The following TBCD variants were observed in gnomAD, a reference collection of about 807,000 sequenced individuals.
The protein encoded by TBCD is tubulin-specific chaperone D.
TBCD carries 105 observed loss-of-function variants against 169.3 expected under a neutral mutation model. The observed-to-expected ratio is 0.62, with a 90% CI of 0.53 to 0.73. The LOEUF is 0.73. TBCD is among the 30% of genes least tolerant of loss of function. The pLI, the probability that TBCD is intolerant of heterozygous loss-of-function variation, is 0.00. For synonymous variants in TBCD, 700 were observed against 643.9 expected (o/e 1.09, Z -1.32); for missense variants, 1,444 against 1,600.1 (o/e 0.90, Z 1.66).
intron 4 of TBCD, 77 bp from the exon 5 acceptor site, chr17:82,768,343 G>A: frequency 6.4e-7 from 1 of 1,567,354 alleles, no homozygotes; most frequent in South Asian, 1.1e-5. Context: ...ATGGAGGGCA[G>A]TGACTTTGAG....
rs375519976 is a variant in TBCD, at chr17:82,917,522, G to A, written c.2039-3034G>A. Among the ~76,000 whole-genome samples, 97 of 152,248 alleles carry A rather than the reference G, an allele frequency of 6.4e-4. 1 individual carries two copies. In the Middle Eastern group the frequency reaches 0.01, roughly 16 times the overall value. ...AAGGACGGTATATCATACATGAAAA[G>A]CATCTCCACCAAGCTGCAGGAACAA... On this transcript the variant is annotated intron_variant, in intron 23 of 38. Transcript: ENST00000355528.
chr17:82,792,359 A>G (rs569665232), intron 7 of TBCD, among the ~76,000 whole-genome samples: 31 of 141,438 alleles, frequency 2.2e-4, no homozygotes, highest in African/African-American at 3.2e-4. Context: ...ACATGTGTGC[A>G]CACACACACA....
chr17:82,930,381 A>AGCCG lies in TBCD; in HGVS notation c.2992-140_2992-137dup. 7.7e-7 allele frequency: 1 copy of AGCCG among 1,300,494 alleles called. No individual in the cohort carries two copies. The allele number at this position is 1,300,494 out of a possible 1,614,324, so 80.6% of individuals were successfully genotyped here. A position where few individuals can be genotyped will look rare whatever the true frequency, so the allele number is the denominator to read the frequency against. On this transcript the variant is annotated intron_variant, in intron 32 of 38. Coordinates refer to ENST00000355528, the MANE Select transcript of TBCD (RefSeq NM_005993.5). The surrounding 1 kb of genome is among the most constrained non-coding windows in gnomAD (Gnocchi z 5.2). ...GTGGCTCCGTGCTGGCGTCCGCACCAGCCGCTTGGGGCCAGACCTTCGCGT... is the reference window on the plus strand; with the variant it reads ...GTGGCTCCGTGCTGGCGTCCGCACCAGCCGGCCGCTTGGGGCCAGACCTTCGCGT...
intron 11 of TBCD, among the ~76,000 whole-genome samples, chr17:82,808,442 T>G (rs1188655812): frequency 6.0e-3 from 107 of 17,950 alleles, no homozygotes; most frequent in Admixed American, 7.1e-3. Flanking sequence ...GGTGTTGAGG[T>G]GGGGGGAGGC....
chr17:82,836,454 C>G (rs114542425), intron 13 of TBCD, among the ~76,000 whole-genome samples: 6 of 152,194 alleles, frequency 3.9e-5, no homozygotes, highest in Non-Finnish European at 8.8e-5. Flanking sequence ...CTCGCGAGAC[C>G]GAAACGCCGC....
At position 82,832,678 on chromosome 17, in the gene TBCD, G is replaced by A; in HGVS notation, c.1318+17744G>A. On this transcript the variant is annotated intron_variant, in intron 13 of 38. Transcript: ENST00000355528. This position sits in a 1 kb window ranked among gnomAD's most constrained non-coding sequence, Gnocchi z 4.9. Reference sequence around the variant, plus strand: ...TCTTGGTGTCAGGACAGCGAGTGAGGGGTCGGCGAGAAGCCGGCCTCGGCT... The same window carrying A: ...TCTTGGTGTCAGGACAGCGAGTGAGAGGTCGGCGAGAAGCCGGCCTCGGCT... 1.7e-6 allele frequency: 1 copy of A among 586,088 alleles called. No homozygotes were observed. The highest frequency in any genetic ancestry group is 3.0e-6 in the Non-Finnish European group (1 of 330,572). The allele number at this position is 586,088 out of a possible 1,614,324, so 36.3% of individuals were successfully genotyped here.
At chr17:82,763,347 C>T (rs571988078) in intron 2 of TBCD, among the ~76,000 whole-genome samples, 2 of 152,358 alleles carry the variant, frequency 1.3e-5, no homozygotes, top group Non-Finnish European at 2.9e-5. Context: ...AACAGAGCCA[C>T]TCCAGCTCTT....
intron 7 of TBCD, among the ~76,000 whole-genome samples, chr17:82,785,642 G>C (rs2049257442): frequency 1.5e-5 from 1 of 68,384 alleles, no homozygotes; most frequent in Non-Finnish European, 3.0e-5. Context: ...GCGGGAGGGG[G>C]GTCCATGCTG....
Position 82,832,428 on chromosome 17 carries a change from T to G in TBCD, c.1318+17494T>G. ...GCCTGGGGATGTAATGTGGCTTTTT[T>G]GGCTTCCGCTCTTTGAGGAGACTCA... is the stretch of plus-strand genomic sequence containing the variant. On this transcript the variant is annotated intron_variant, in intron 13 of 38. Transcript: ENST00000355528. This position sits in a 1 kb window ranked among gnomAD's most constrained non-coding sequence, Gnocchi z 4.9. 6.2e-7 allele frequency: 1 copy of G among 1,613,418 alleles called. No homozygotes were observed. Among genetic ancestry groups the G allele is most frequent in the Non-Finnish European group, 8.5e-7 (1 of 1,180,032 alleles).
chr17:82,887,131 C>CTCTGTGTGTGTGTG (rs1555632222), intron 15 of TBCD, among the ~76,000 whole-genome samples: 2 of 123,448 alleles, frequency 1.6e-5, no homozygotes, highest in East Asian at 2.3e-4. Flanking sequence ...TACCTGTACT[C>CTCTGTGTGTGTGTG]TGTGTGTGTG....
At chr17:82,807,777 C>G (rs1435883868) in intron 11 of TBCD, 109 bp downstream of exon 11, 2 of 770,362 alleles carry the variant, frequency 2.6e-6, no homozygotes, top group East Asian at 3.3e-5. Flanking sequence ...CGGCCCCCTC[C>G]TCGGCCCCCT....
At chr17:82,862,879 C>T (rs1233958979) in intron 13 of TBCD, among the ~76,000 whole-genome samples, 1 of 152,206 alleles carries the variant, frequency 6.6e-6, no homozygotes, top group African/African-American at 2.4e-5. Flanking sequence ...TCTGTCCTCT[C>T]ACGCGTCCGA....
At chr17:82,854,066 C>T (rs2056045150) in intron 13 of TBCD, among the ~76,000 whole-genome samples, 1 of 152,176 alleles carries the variant, frequency 6.6e-6, no homozygotes, top group Non-Finnish European at 1.5e-5. Flanking sequence ...GCTTCTTAGC[C>T]TACCCTCCAA....
chr17:82,812,910 C>G (rs1395058356), intron 12 of TBCD, among the ~76,000 whole-genome samples: 1 of 152,186 alleles, frequency 6.6e-6, no homozygotes, highest in African/African-American at 2.4e-5. Context: ...GCCTCTACTT[C>G]CTAAGTTCAA....
chr17:82,914,344 C>T (rs1193987460), intron 23 of TBCD, among the ~76,000 whole-genome samples: 4 of 152,168 alleles, frequency 2.6e-5, no homozygotes, highest in Non-Finnish European at 1.5e-5. Context: ...CCCACCCTGC[C>T]CTCTGCTCTG....
intron 35 of TBCD, chr17:82,937,820 C>G: frequency 6.8e-7 from 1 of 1,460,078 alleles, no homozygotes; most frequent in Non-Finnish European, 9.1e-7. Context: ...AGGAGATCCT[C>G]TGTGAGGCGT....
chr17:82,805,760 G>A, intron 9 of TBCD, 115 bp from the exon 10 acceptor site: 2 of 1,278,440 alleles, frequency 1.6e-6, no homozygotes, highest in Admixed American at 4.2e-5. Context: ...TCTGCAAAGT[G>A]CATGGAATTT....
intron 13 of TBCD, among the ~76,000 whole-genome samples, chr17:82,827,454 G>A (rs1017401630): frequency 1.3e-5 from 2 of 152,216 alleles, no homozygotes; most frequent in Non-Finnish European, 2.9e-5. Context: ...TGAGGCTCCG[G>A]AAGTCTACGC....
intron 13 of TBCD, among the ~76,000 whole-genome samples, chr17:82,867,183 G>T (rs1039243661): frequency 1.8e-5 from 1 of 54,080 alleles, no homozygotes; most frequent in Non-Finnish European, 4.4e-5. Context: ...GGCCTGGGGT[G>T]GGGGGTCTGT....
Sources: allele counts gnomAD v4.1 joint callset (sites outside exome capture counted in the v4.1 genomes callset), GRCh38; gene constraint gnomAD v4.1.1; non-coding constraint Gnocchi (gnomAD v3.1); transcripts MANE v1.5; gene names NCBI Gene and HGNC (gene_info 2026-07-23, HGNC 2026-07-21).